Variants in KCNB2 observed in about 807,000 individuals in gnomAD.
KCNB2 encodes potassium voltage-gated channel subfamily B member 2, also known as delayed rectifier potassium channel protein.
In KCNB2, 15 loss-of-function variants were observed where a neutral mutation model predicts 61.5. The observed-to-expected ratio is 0.24, with a 90% CI of 0.16 to 0.38. The LOEUF (loss-of-function observed/expected upper bound fraction) is 0.38, where lower values mean the gene tolerates loss of function less well. Among genes scored for constraint, KCNB2 ranks in the 10% least tolerant of loss-of-function variants. KCNB2 has a pLI of 1.00. For missense variants in KCNB2, 828 were observed against 1,125.2 expected (o/e 0.74, Z 3.78); for synonymous variants, 457 against 446.0 (o/e 1.02, Z -0.31).
intron 2 of KCNB2, among the ~76,000 whole-genome samples, chr8:72,578,575 C>CT (rs1429607505): frequency 6.6e-6 from 1 of 152,106 alleles, no homozygotes; most frequent in African/African-American, 2.4e-5. Context: ...TTTTCAGACT[C>CT]TAACTCATGA....
chr8:72,788,912 C>T (rs1167606946), intron 2 of KCNB2, among the ~76,000 whole-genome samples: 1 of 151,960 alleles, frequency 6.6e-6, no homozygotes, highest in Admixed American at 6.6e-5. Context: ...AGGTAAATTC[C>T]AAGGAGCAAA....
intron 2 of KCNB2, among the ~76,000 whole-genome samples, chr8:72,739,337 G>A (rs1168308306): frequency 6.6e-6 from 1 of 151,982 alleles, no homozygotes; most frequent in Non-Finnish European, 1.5e-5. Flanking sequence ...TATCAATGAG[G>A]TATGGATCCT....
At chr8:72,631,405 A>T (rs74831276) in intron 2 of KCNB2, among the ~76,000 whole-genome samples, 3,883 of 152,268 alleles carry the variant, frequency 0.026, 67 homozygotes, top group Non-Finnish European at 0.042. Context: ...AATCCTTAAC[A>T]TTCATTGGCT....
intron 2 of KCNB2, among the ~76,000 whole-genome samples, chr8:72,804,735 A>C (rs1809189748): frequency 1.3e-5 from 2 of 152,248 alleles, no homozygotes. Context: ...CTCATTGAGC[A>C]AACACTATTG....
chr8:72,725,292 T>G (rs1490873727), intron 2 of KCNB2, among the ~76,000 whole-genome samples: 1 of 151,850 alleles, frequency 6.6e-6, no homozygotes, highest in African/African-American at 2.4e-5. Flanking sequence ...TATCATTATT[T>G]GTAACAGTTC....
chr8:72,814,694 T>A (rs914734943), intron 2 of KCNB2, among the ~76,000 whole-genome samples: 20 of 152,220 alleles, frequency 1.3e-4, no homozygotes, highest in African/African-American at 4.8e-4. Context: ...TTAATTTTCA[T>A]TTAGATTGAT....
chr8:72,656,346 A>G (rs575948961), intron 2 of KCNB2, among the ~76,000 whole-genome samples: 1 of 152,288 alleles, frequency 6.6e-6, no homozygotes, highest in East Asian at 1.9e-4. Context: ...TAAGATATTT[A>G]ATATGAAATA....
At chr8:72,914,410 T>C (rs1806355179) in intron 2 of KCNB2, among the ~76,000 whole-genome samples, 2 of 152,236 alleles carry the variant, frequency 1.3e-5, no homozygotes, top group South Asian at 4.1e-4. Flanking sequence ...TAAAACACTT[T>C]GGATTCTCAG....
At chr8:72,898,833 G>A (rs1806035294) in intron 2 of KCNB2, among the ~76,000 whole-genome samples, 1 of 152,018 alleles carries the variant, frequency 6.6e-6, no homozygotes, top group Non-Finnish European at 1.5e-5. Context: ...TGTTTCCATT[G>A]TCCCCATCTT....
intron 2 of KCNB2, among the ~76,000 whole-genome samples, chr8:72,572,070 A>G (rs1174574219): frequency 6.6e-6 from 1 of 152,156 alleles, no homozygotes; most frequent in Non-Finnish European, 1.5e-5. Flanking sequence ...GGATGAAACA[A>G]CAATCAGGAA....
intron 2 of KCNB2, among the ~76,000 whole-genome samples, chr8:72,697,550 G>T (rs924316653): frequency 2.0e-5 from 3 of 152,052 alleles, no homozygotes; most frequent in Admixed American, 6.6e-5. Context: ...GAAGCAATAG[G>T]ATAGCTTAAG....
chr8:72,726,616 A>C (rs913070206), intron 2 of KCNB2, among the ~76,000 whole-genome samples: 2 of 152,360 alleles, frequency 1.3e-5, no homozygotes, highest in South Asian at 2.1e-4. Flanking sequence ...TATTTTAAAA[A>C]TACAAGGTCA....
intron 2 of KCNB2, among the ~76,000 whole-genome samples, chr8:72,912,679 A>G (rs1435208555): frequency 1.3e-5 from 2 of 151,980 alleles, no homozygotes; most frequent in African/African-American, 2.4e-5. Context: ...CCTTTTATAT[A>G]TGAAGAAACT....
intron 2 of KCNB2, among the ~76,000 whole-genome samples, chr8:72,702,885 C>T (rs548931195): frequency 1.3e-5 from 2 of 152,194 alleles, no homozygotes; most frequent in South Asian, 4.2e-4. Context: ...TTCCAGGGAT[C>T]CACTCCCCGT....
intron 1 of KCNB2, among the ~76,000 whole-genome samples, chr8:72,557,822 AATT>A (rs1377340350): frequency 4.6e-5 from 7 of 152,168 alleles, no homozygotes; most frequent in Non-Finnish European, 7.3e-5. Context: ...GGGCAACAAT[AATT>A]ACTAGAGAGT....
intron 2 of KCNB2, among the ~76,000 whole-genome samples, chr8:72,677,851 C>G (rs1806686669): frequency 6.6e-6 from 1 of 152,166 alleles, no homozygotes; most frequent in African/African-American, 2.4e-5. Flanking sequence ...ATAAGATGCT[C>G]TGAATCTACA....
At chr8:72,812,533 T>C (rs1809324257) in intron 2 of KCNB2, among the ~76,000 whole-genome samples, 1 of 152,104 alleles carries the variant, frequency 6.6e-6, no homozygotes, top group Non-Finnish European at 1.5e-5. Context: ...AAAATATAGA[T>C]ATATATTTAT....
chr8:72,682,319 T>C (rs1299780732), intron 2 of KCNB2, among the ~76,000 whole-genome samples: 1 of 152,188 alleles, frequency 6.6e-6, no homozygotes, highest in Non-Finnish European at 1.5e-5. Context: ...GAATATCTTA[T>C]ACTTTTCTAA....
At chr8:72,846,947 C>T (rs1810005979) in intron 2 of KCNB2, among the ~76,000 whole-genome samples, 1 of 152,194 alleles carries the variant, frequency 6.6e-6, no homozygotes, top group Non-Finnish European at 1.5e-5. Context: ...TGCTATAAAA[C>T]ACATGCACAT....
Sources: allele counts gnomAD v4.1 joint callset (sites outside exome capture counted in the v4.1 genomes callset), GRCh38; gene constraint gnomAD v4.1.1; transcripts MANE v1.5; gene names NCBI Gene and HGNC (gene_info 2026-07-23, HGNC 2026-07-21).